CDH23: variants seen among roughly 807,000 people sequenced by gnomAD.
The protein encoded by CDH23 is cadherin-23.
Under a neutral mutation model 317.1 loss-of-function variants are expected in CDH23, and 189 were observed. The observed-to-expected ratio is 0.60, with a 90% CI of 0.53 to 0.67. The LOEUF (loss-of-function observed/expected upper bound fraction) is 0.67, where lower values mean the gene tolerates loss of function less well. Ranked by LOEUF, CDH23 falls within the 30% of genes least tolerant of loss-of-function variation. CDH23 has a pLI of 0.00. For missense variants in CDH23, 4,401 were observed against 4,592.4 expected (o/e 0.96, Z 1.20); for synonymous variants, 1,839 against 1,876.8 (o/e 0.98, Z 0.52).
rs1040929128 is a variant in CDH23 at position 71,704,792 on chromosome 10, G to A, written c.2734-119G>A. 3 of 791,788 alleles carry A rather than the reference G, an allele frequency of 3.8e-6. No individual in the cohort carries two copies. The South Asian group carries it at 4.8e-5, about 13-fold the overall frequency. The allele number at this position is 791,788 out of a possible 1,614,324, so 49.0% of individuals were successfully genotyped here. ...GGCCTGGCCTAAGGCTTGGAGGGGA[G>A]CAGATGTGTCTAGCTGCAGCCAAGT... On this transcript the variant is annotated intron_variant, in intron 24 of 69. Coordinates refer to ENST00000224721, the MANE Select transcript of CDH23 (RefSeq NM_022124.6).
rs562590210 is a variant in CDH23, at chr10:71,815,073, G to A, written c.9860G>A (p.Gly3287Asp). 1.1e-5 allele frequency: 17 copies of A among 1,611,534 alleles called. No homozygotes were observed. In the East Asian group the frequency reaches 3.1e-4, roughly 30 times the overall value. The change falls in exon 70 of 70, where the codon GGC becomes GAC. Residue 3287 changes from glycine to aspartate, a missense_variant. Coordinates refer to ENST00000224721, the MANE Select transcript of CDH23 (RefSeq NM_022124.6). The part of the protein sequence containing the change: ...KGPDGIHVVH[G>D]STGTLLATDL... The stretch of plus-strand genomic sequence containing the variant: ...CCCGATGGGATCCATGTGGTGCACG[G>A]CAGCACGGGCACGCTGCTGGCCACC...
intron 1 of CDH23, among the ~76,000 whole-genome samples, chr10:71,407,157 G>T (rs1429656824): frequency 1.3e-5 from 2 of 152,186 alleles, no homozygotes; most frequent in African/African-American, 4.8e-5. Flanking sequence ...TCATTACTTT[G>T]TACTGCACTT....
In CDH23 at chr10:71,697,050, G is replaced by A. The variant is rs180985048; in HGVS notation, c.2397+1525G>A. On this transcript the variant is annotated intron_variant, in intron 22 of 69. Coordinates refer to ENST00000224721, the MANE Select transcript of CDH23 (RefSeq NM_022124.6). Reference sequence around the variant, plus strand: ...GGAAATTCCTCCCAAAGGGGATTGAGGGGCAGGTGAGGAAGGTTGCTCTGG... The same window carrying A: ...GGAAATTCCTCCCAAAGGGGATTGAAGGGCAGGTGAGGAAGGTTGCTCTGG... 1.3e-4 allele frequency among the ~76,000 whole-genome samples: 20 copies of A among 152,374 alleles called. No individual in the cohort carries two copies. In the East Asian group the frequency reaches 3.9e-3, roughly 29 times the overall value.
chr10:71,676,737 C>T lies in CDH23; in HGVS notation c.1515-719C>T, dbSNP rs553921791. Among the ~76,000 whole-genome samples, 8 of 152,322 alleles carry T rather than the reference C, an allele frequency of 5.3e-5. No individual in the cohort carries two copies. The South Asian group carries it at 1.7e-3, about 32-fold the overall frequency. Reference sequence around the variant, plus strand: ...CCAGCATGGCTGAATGCACAGGGAGCCCTTTCCCCAGGGAACCCGTGTTCA... The same window carrying T: ...CCAGCATGGCTGAATGCACAGGGAGTCCTTTCCCCAGGGAACCCGTGTTCA... On this transcript the variant is annotated intron_variant, in intron 15 of 69. Coordinates refer to ENST00000224721, the MANE Select transcript of CDH23 (RefSeq NM_022124.6).
intron 11 of CDH23, among the ~76,000 whole-genome samples, chr10:71,620,761 G>A (rs1861426606): frequency 6.6e-6 from 1 of 152,226 alleles, no homozygotes; most frequent in African/African-American, 2.4e-5. Context: ...GGCAGCCCAG[G>A]AGCCCAGGCC....
intron 6 of CDH23, among the ~76,000 whole-genome samples, chr10:71,538,030 C>T (rs1855795799): frequency 6.6e-6 from 1 of 152,128 alleles, no homozygotes; most frequent in African/African-American, 2.4e-5. Context: ...GCACTGTCCA[C>T]ATCACTGAGT....
intron 3 of CDH23, among the ~76,000 whole-genome samples, chr10:71,491,672 G>A (rs1852668909): frequency 6.6e-6 from 1 of 152,224 alleles, no homozygotes; most frequent in Admixed American, 6.5e-5. Flanking sequence ...GTCAGAGGAT[G>A]AGGGTTTCAG....
At chr10:71,806,036 C>CCCGGGGGGGGGGGGGGGGGTGGGGGGG in intron 56 of CDH23, 39 bp downstream of exon 56, 1 of 642,668 alleles carries the variant, frequency 1.6e-6, no homozygotes, top group Non-Finnish European at 2.4e-6. Context: ...GGGTCTGGGG[C>CCCGGGGGGGGGGGGGGGGGTGGGGGGG]GGGGCTTTCT....
chr10:71,733,341 G>A (rs1043328072), intron 32 of CDH23, among the ~76,000 whole-genome samples: 4 of 152,320 alleles, frequency 2.6e-5, no homozygotes, highest in South Asian at 2.1e-4. Context: ...GTTCAGGGAT[G>A]TCTATGGAGG....
intron 1 of CDH23, among the ~76,000 whole-genome samples, chr10:71,414,375 A>G (rs1848455176): frequency 1.3e-5 from 2 of 152,192 alleles, no homozygotes; most frequent in South Asian, 4.1e-4. Flanking sequence ...ATAAATGTGC[A>G]TAGAATTTTA....
chr10:71,490,672 T>G (rs754110834), intron 3 of CDH23, among the ~76,000 whole-genome samples: 1 of 152,240 alleles, frequency 6.6e-6, no homozygotes, highest in Non-Finnish European at 1.5e-5. Context: ...CACCCTGATA[T>G]CTTATGAATG....
chr10:71,425,699 G>C (rs180767185), intron 1 of CDH23, among the ~76,000 whole-genome samples: 1 of 152,358 alleles, frequency 6.6e-6, no homozygotes, highest in Non-Finnish European at 1.5e-5. Flanking sequence ...TCAGATGAGA[G>C]GCCCAGACTC....
Position 71,751,883 on chromosome 10 carries a change from A to G in CDH23, c.4845+9962A>G. On this transcript the variant is annotated intron_variant, in intron 38 of 69. Coordinates refer to ENST00000224721, the MANE Select transcript of CDH23 (RefSeq NM_022124.6). The surrounding 1 kb of genome is among the most constrained non-coding windows in gnomAD (Gnocchi z 4.9). Reference sequence around the variant, plus strand: ...GTTGCTGCCACAGAACCAGAATGGAAGGTCATCTGTGCTGTCCGGAGCGTG... The same window carrying G: ...GTTGCTGCCACAGAACCAGAATGGAGGGTCATCTGTGCTGTCCGGAGCGTG... 1.3e-6 allele frequency: 2 copies of G among 1,537,700 alleles called. No homozygotes were observed. Among genetic ancestry groups the G allele is most frequent in the African/African-American group, 2.8e-5 (2 of 72,546 alleles).
intron 6 of CDH23, among the ~76,000 whole-genome samples, chr10:71,549,369 G>A (rs183265078): frequency 2.0e-5 from 3 of 152,350 alleles, no homozygotes; most frequent in South Asian, 2.1e-4. Flanking sequence ...GAGGGGGCAC[G>A]GATGCATAGA....
chr10:71,461,368 C>T (rs1216504972), intron 3 of CDH23, among the ~76,000 whole-genome samples: 2 of 152,218 alleles, frequency 1.3e-5, no homozygotes, highest in Non-Finnish European at 2.9e-5. Flanking sequence ...ATGGGTGATG[C>T]CTTAAGTACC....
chr10:71,666,664 G>A (rs549565228), intron 14 of CDH23, among the ~76,000 whole-genome samples: 7 of 152,208 alleles, frequency 4.6e-5, no homozygotes, highest in South Asian at 2.1e-4. Flanking sequence ...TACCTCACAC[G>A]CCAGAGAGAA....
Position 71,515,357 on chromosome 10 carries a change from T to TTCTCTCTCTCTCTCTCTC in CDH23, c.429+4166_429+4183dup, listed in dbSNP as rs3059687. Among the ~76,000 whole-genome samples the TTCTCTCTCTCTCTCTCTC allele has an allele frequency of 5.1e-4, 64 of 126,232 alleles. No individual in the cohort carries two copies. The East Asian group carries it at 0.013, about 25-fold the overall frequency. 82.8% of individuals were successfully genotyped at this position (126,232 alleles called of 152,430 possible). A position where few individuals can be genotyped will look rare whatever the true frequency, so the allele number is the denominator to read the frequency against. On this transcript the variant is annotated intron_variant, in intron 6 of 69. Coordinates refer to ENST00000224721, the MANE Select transcript of CDH23 (RefSeq NM_022124.6). The stretch of plus-strand genomic sequence containing the variant: ...TCAATGGCAATGGATACCTGTCTGT[T>TTCTCTCTCTCTCTCTCTC]TCTCTCTCTCTCTCTCTCTCTCTCT...
chr10:71,547,138 C>G (rs1052832414), intron 6 of CDH23, among the ~76,000 whole-genome samples: 3 of 152,158 alleles, frequency 2.0e-5, no homozygotes, highest in South Asian at 4.1e-4. Context: ...CAGATGGTGA[C>G]CAGAGAGTCA....
rs11812475 is a variant in CDH23, at chr10:71,713,202, C to A, written c.3369+389C>A. 1.0e-2 allele frequency: 7,782 copies of A among 779,224 alleles called. 418 individuals are homozygous for A. The African/African-American group carries it at 0.11, about 11-fold the overall frequency. The allele number at this position is 779,224 out of a possible 1,614,324, so 48.3% of individuals were successfully genotyped here. A position where few individuals can be genotyped will look rare whatever the true frequency, so the allele number is the denominator to read the frequency against. On this transcript the variant is annotated intron_variant, in intron 28 of 69. Coordinates refer to ENST00000224721, the MANE Select transcript of CDH23 (RefSeq NM_022124.6). ...CCAGAACAGAGCTGCTTTCACAGAG[C>A]CCTTGGCCGAGGCTCCCCTCTTGGG... is the stretch of plus-strand genomic sequence containing the variant.
Sources: gnomAD v4.1 joint callset for allele counts (sites outside exome capture counted in the v4.1 genomes callset) on GRCh38, gnomAD v4.1.1 for gene constraint, Gnocchi (gnomAD v3.1) non-coding constraint, MANE v1.5 for transcripts, NCBI Gene and HGNC (gene_info 2026-07-23, HGNC 2026-07-21) for gene names.